PCDHGA1: variants seen among roughly 807,000 people sequenced by gnomAD.
PCDHGA1 encodes the protein protocadherin gamma-A1.
PCDHGA1 carries 32 observed loss-of-function variants against 58.0 expected under a neutral mutation model. The ratio of observed to expected loss-of-function variants is 0.55; its 90% CI spans 0.42 to 0.74. The LOEUF (loss-of-function observed/expected upper bound fraction) is 0.74, where lower values mean the gene tolerates loss of function less well. PCDHGA1 is among the 30% of genes least tolerant of loss of function. The pLI is 0.00. For synonymous variants in PCDHGA1, 498 were observed against 501.1 expected, an observed-to-expected ratio of 0.99 and a Z score of 0.08; for missense variants, 1,205 against 1,182.3, an observed-to-expected ratio of 1.02 and a Z score of -0.28.
intron 1 of PCDHGA1, chr5:141,339,970 T>G: frequency 6.2e-7 from 1 of 1,614,170 alleles, no homozygotes; most frequent in Non-Finnish European, 8.5e-7. Context: ...GAGCGAAGGT[T>G]ATCGTCACGG....
intron 3 of PCDHGA1, among the ~76,000 whole-genome samples, chr5:141,505,697 C>T (rs540949327): frequency 1.4e-4 from 21 of 152,198 alleles, no homozygotes; most frequent in Admixed American, 7.2e-4. Context: ...TGGAGGAGAG[C>T]GAACAAGGAA....
chr5:141,395,542 TTGTGTGTG>T (rs55729045), intron 1 of PCDHGA1: 8,424 of 171,616 alleles, frequency 0.049, 167 homozygotes, highest in African/African-American at 0.088. Context: ...TTGCTATTGT[TTGTGTGTG>T]TGTGTGTGTG....
At chr5:141,381,603 T>C (rs751788788) in intron 1 of PCDHGA1, among the ~76,000 whole-genome samples, 4 of 152,242 alleles carry the variant, frequency 2.6e-5, no homozygotes, top group African/African-American at 4.8e-5. Context: ...TTCTTATGAA[T>C]TCACAGCCCA....
chr5:141,344,108 A>G (rs757869055), intron 1 of PCDHGA1: 4 of 1,613,966 alleles, frequency 2.5e-6, no homozygotes, highest in Non-Finnish European at 3.4e-6. Context: ...CGCTGTGCGA[A>G]ACAGGATCCG....
At chr5:141,420,284 TA>T in intron 1 of PCDHGA1, 2 of 1,505,934 alleles carry the variant, frequency 1.3e-6, no homozygotes, top group East Asian at 2.3e-5. Context: ...GGTAAGTATT[TA>T]AAAATGTATT....
intron 1 of PCDHGA1, chr5:141,414,525 T>C (rs1413988459): frequency 1.2e-6 from 2 of 1,613,972 alleles, no homozygotes; most frequent in South Asian, 1.1e-5. Flanking sequence ...CAGATATCAA[T>C]GACAACCCAC....
At chr5:141,457,522 G>A (rs1200640017) in intron 1 of PCDHGA1, among the ~76,000 whole-genome samples, 1 of 152,188 alleles carries the variant, frequency 6.6e-6, no homozygotes, top group Non-Finnish European at 1.5e-5. Flanking sequence ...AACAATTAAT[G>A]AGACTAGGGT....
intron 1 of PCDHGA1, chr5:141,344,815 T>G (rs1241165159): frequency 2.5e-6 from 4 of 1,614,006 alleles, no homozygotes; most frequent in Non-Finnish European, 1.7e-6. Flanking sequence ...GGTACCCGGC[T>G]GCTCACGGTG....
chr5:141,338,896 A>G, intron 1 of PCDHGA1: 1 of 1,478,196 alleles, frequency 6.8e-7, no homozygotes. Flanking sequence ...TGGTTATCTC[A>G]CACCCTGAGG....
intron 3 of PCDHGA1, among the ~76,000 whole-genome samples, chr5:141,508,986 G>C (rs1298630784): frequency 2.0e-5 from 3 of 152,148 alleles, no homozygotes; most frequent in Non-Finnish European, 4.4e-5. Context: ...GTGGGGGCCA[G>C]CTGGGGTAGG....
In PCDHGA1 at chr5:141,421,516, T is replaced by G. The variant is rs199973694; in HGVS notation, c.2422-73291T>G. On this transcript the variant is annotated intron_variant, in intron 1 of 3. Transcript: ENST00000517417. Reference sequence around the variant, plus strand: ...AGGCAGGATAGACCGGGAGGAGCTCTGTGAGACGGTGTCCTCCTGTTTTTT... The same window carrying G: ...AGGCAGGATAGACCGGGAGGAGCTCGGTGAGACGGTGTCCTCCTGTTTTTT... 1.4e-5 allele frequency: 22 copies of G among 1,614,064 alleles called. No homozygotes were observed. The East Asian group carries it at 4.9e-4, about 36-fold the overall frequency.
chr5:141,370,709 A>G lies in PCDHGA1; in HGVS notation c.2421+37604A>G, dbSNP rs759693672. On this transcript the variant is annotated intron_variant, in intron 1 of 3. Coordinates refer to ENST00000517417, the MANE Select transcript of PCDHGA1 (RefSeq NM_018912.3). ...GCAAGAAGTCGACGTGTGTTCTGGA[A>G]TTTGAAATGGTTGCTGAAAAGCCTT... 3 of 1,613,738 alleles carry G rather than the reference A, an allele frequency of 1.9e-6. No individual in the cohort carries two copies. The African/African-American group carries it at 4.0e-5, about 22-fold the overall frequency.
chr5:141,364,653 T>C, intron 1 of PCDHGA1: 1 of 1,614,052 alleles, frequency 6.2e-7, no homozygotes, highest in Non-Finnish European at 8.5e-7. Context: ...AACTTTAACA[T>C]CTTGGTTGAG....
chr5:141,347,162 TC>T, intron 1 of PCDHGA1, among the ~76,000 whole-genome samples: 1 of 146,024 alleles, frequency 6.8e-6, no homozygotes, highest in East Asian at 2.0e-4. Flanking sequence ...TTTCTTTCTT[TC>T]TTTCTTTCTT....
intron 1 of PCDHGA1, chr5:141,478,808 T>A: frequency 3.4e-6 from 5 of 1,459,124 alleles, no homozygotes; most frequent in Non-Finnish European, 4.5e-6. Context: ...TCTTTTGCTA[T>A]CACAACTAAC....
intron 1 of PCDHGA1, chr5:141,388,654 C>T (rs2091438371): frequency 3.1e-6 from 5 of 1,613,846 alleles, no homozygotes; most frequent in Non-Finnish European, 4.2e-6. Flanking sequence ...AACGTGTACC[C>T]GGGGACCACG....
At chr5:141,351,925 G>C (rs763243982) in intron 1 of PCDHGA1, 5 of 1,613,306 alleles carry the variant, frequency 3.1e-6, no homozygotes, top group Non-Finnish European at 4.2e-6. Context: ...ATGACAATGC[G>C]CCACGGGTGC....
At chr5:141,447,675 C>T (rs1416110491) in intron 1 of PCDHGA1, among the ~76,000 whole-genome samples, 13 of 152,064 alleles carry the variant, frequency 8.5e-5, no homozygotes, top group Admixed American at 8.5e-4. Context: ...TAGAACTGTT[C>T]CATATCTTGA....
intron 1 of PCDHGA1, among the ~76,000 whole-genome samples, chr5:141,387,508 G>T (rs537615944): frequency 6.7e-4 from 102 of 152,312 alleles, no homozygotes; most frequent in African/African-American, 2.3e-3. Context: ...ATTTTTAGAC[G>T]TCATTAAATA....
Sources: gnomAD v4.1 joint callset for allele counts (sites outside exome capture counted in the v4.1 genomes callset) on GRCh38, gnomAD v4.1.1 for gene constraint, MANE v1.5 for transcripts, NCBI Gene and HGNC (gene_info 2026-07-23, HGNC 2026-07-21) for gene names.